OR3A2: variants seen among roughly 807,000 people sequenced by gnomAD.
OR3A2 encodes the protein olfactory receptor 3A2.
For missense variants in OR3A2, 318 were observed against 392.8 expected (o/e 0.81, Z 1.61); for synonymous variants, 126 against 159.3 (o/e 0.79, Z 1.57).
upstream of OR3A2, chr17:3,284,585 A>G (rs1159678272): frequency 6.7e-6 from 1 of 149,380 alleles, no homozygotes; most frequent in African/African-American, 2.5e-5. Context: ...AGAGACACGG[A>G]AAAGGAGACA....
chr17:3,342,908 C>G (rs576594278), intron 2 of OR3A2, among the ~76,000 whole-genome samples: 1 of 152,158 alleles, frequency 6.6e-6, no homozygotes, highest in African/African-American at 2.4e-5. Flanking sequence ...CAGAGGCAGG[C>G]GGGCCTCGTT....
chr17:3,291,567 A>G (rs1181520858), intron 3 of OR3A2: 1 of 1,296,770 alleles, frequency 7.7e-7, no homozygotes, highest in African/African-American at 1.5e-5. Flanking sequence ...TTTTTTTCCT[A>G]GTTTCTGGCT....
intron 2 of OR3A2, among the ~76,000 whole-genome samples, chr17:3,376,691 C>T (rs955179920): frequency 6.6e-6 from 1 of 152,162 alleles, no homozygotes; most frequent in Non-Finnish European, 1.5e-5. Flanking sequence ...GATCTTCCCC[C>T]AGGCTACCAG....
At chr17:3,284,135 T>TCTC (rs968623649) in intron 1 of OR3A2, among the ~76,000 whole-genome samples, 1 of 147,654 alleles carries the variant, frequency 6.8e-6, no homozygotes, top group Non-Finnish European at 1.5e-5. Flanking sequence ...TCTGAGCGAG[T>TCTC]CTCCTCACAC....
chr17:3,324,976 A>G (rs1246056439), intron 3 of OR3A2, among the ~76,000 whole-genome samples: 6 of 152,104 alleles, frequency 3.9e-5, no homozygotes, highest in African/African-American at 1.4e-4. Flanking sequence ...TTACACAGTC[A>G]AGCATATGCA....
chr17:3,292,150 T>C, intron 3 of OR3A2: 1 of 1,614,112 alleles, frequency 6.2e-7, no homozygotes, highest in Non-Finnish European at 8.5e-7. Context: ...ACCAACATCC[T>C]CTGGACTGTC....
At chr17:3,294,673 C>T (rs2048905508) in intron 3 of OR3A2, among the ~76,000 whole-genome samples, 1 of 151,922 alleles carries the variant, frequency 6.6e-6, no homozygotes, top group Non-Finnish European at 1.5e-5. Flanking sequence ...AAATGGATAG[C>T]CTAGTCAAAA....
At chr17:3,359,858 G>A (rs541241681) in intron 2 of OR3A2, among the ~76,000 whole-genome samples, 3 of 151,878 alleles carry the variant, frequency 2.0e-5, no homozygotes, top group Admixed American at 2.0e-4. Flanking sequence ...CTTTGCTATT[G>A]TGAGTAGTGC....
intron 2 of OR3A2, among the ~76,000 whole-genome samples, chr17:3,371,969 C>A (rs1481845420): frequency 6.7e-6 from 1 of 148,258 alleles, no homozygotes; most frequent in Non-Finnish European, 1.5e-5. Context: ...CAGGCGGAGA[C>A]GCTCCTCACT....
At chr17:3,353,696 CAT>C (rs2049439746) in intron 2 of OR3A2, among the ~76,000 whole-genome samples, 1 of 151,684 alleles carries the variant, frequency 6.6e-6, no homozygotes, top group Non-Finnish European at 1.5e-5. Context: ...CTTGTGGGTA[CAT>C]GATAGGTATA....
intron 2 of OR3A2, among the ~76,000 whole-genome samples, chr17:3,372,513 C>T (rs2049638923): frequency 1.3e-5 from 2 of 152,032 alleles, no homozygotes; most frequent in South Asian, 4.2e-4. Flanking sequence ...GATCACGCCA[C>T]TGCACTCCAG....
intron 2 of OR3A2, among the ~76,000 whole-genome samples, chr17:3,354,411 T>A (rs2049446416): frequency 6.6e-6 from 1 of 151,272 alleles, no homozygotes; most frequent in Non-Finnish European, 1.5e-5. Context: ...TAAAGAAAAG[T>A]AAAGGTTTTT....
At chr17:3,319,957 A>G (rs1353955113) in intron 3 of OR3A2, among the ~76,000 whole-genome samples, 3 of 151,578 alleles carry the variant, frequency 2.0e-5, no homozygotes, top group East Asian at 3.9e-4. Context: ...CGCCACACTG[A>G]CTTCCACAAT....
chr17:3,350,351 A>G (rs1394552362), intron 2 of OR3A2, among the ~76,000 whole-genome samples: 1 of 149,744 alleles, frequency 6.7e-6, no homozygotes, highest in Admixed American at 6.6e-5. Flanking sequence ...TAAAGGGGAT[A>G]TCACCACCAA....
At chr17:3,347,852 G>T (rs1266000534) in intron 2 of OR3A2, among the ~76,000 whole-genome samples, 5 of 152,180 alleles carry the variant, frequency 3.3e-5, no homozygotes, top group African/African-American at 9.6e-5. Context: ...CTAGATTACA[G>T]TCCCACCAAC....
intron 3 of OR3A2, among the ~76,000 whole-genome samples, chr17:3,322,169 T>C (rs1172796433): frequency 2.0e-5 from 3 of 152,194 alleles, no homozygotes; most frequent in Non-Finnish European, 4.4e-5. Context: ...TAGAGGTGTT[T>C]ATAGTATTCT....
chr17:3,341,614 A>C (rs1183319595), intron 2 of OR3A2, among the ~76,000 whole-genome samples: 3 of 152,126 alleles, frequency 2.0e-5, no homozygotes, highest in Non-Finnish European at 2.9e-5. Flanking sequence ...TGGCTTGTAG[A>C]GTTTCTGCTG....
chr17:3,280,619 C>G (rs941931048), intron 1 of OR3A2, among the ~76,000 whole-genome samples: 1 of 152,180 alleles, frequency 6.6e-6, no homozygotes, highest in Non-Finnish European at 1.5e-5. Flanking sequence ...ACATCAATGT[C>G]TCTATTGCCC....
chr17:3,348,130 A>T (rs2049384870), intron 2 of OR3A2, among the ~76,000 whole-genome samples: 1 of 152,024 alleles, frequency 6.6e-6, no homozygotes, highest in African/African-American at 2.4e-5. Flanking sequence ...AGTTCATTGT[A>T]GATTCTGGAT....
Sources: allele counts gnomAD v4.1 joint callset (sites outside exome capture counted in the v4.1 genomes callset), GRCh38; gene constraint gnomAD v4.1.1; transcripts MANE v1.5; gene names NCBI Gene and HGNC (gene_info 2026-07-23, HGNC 2026-07-21).